Variants in CACNA1E observed in about 807,000 individuals in gnomAD.
The protein encoded by CACNA1E is calcium voltage-gated channel subunit alpha1 E, also known as voltage-dependent R-type calcium channel subunit alpha-1E.
In CACNA1E, 40 loss-of-function variants were observed where a neutral mutation model predicts 259.2. The observed-to-expected ratio is 0.15, with a 90% CI of 0.12 to 0.20. The LOEUF is 0.20. CACNA1E is among the 10% of genes least tolerant of loss of function. The probability of loss-of-function intolerance (pLI) is 1.00; values close to 1 mark genes in which losing one functional copy is unlikely to be tolerated. For synonymous variants in CACNA1E, 1,104 were observed against 1,138.5 expected, an observed-to-expected ratio of 0.97 and a Z score of 0.61; for missense variants, 1,874 against 3,040.1, an observed-to-expected ratio of 0.62 and a Z score of 9.02.
At chr1:181,694,043 A>G (rs565550939) in intron 7 of CACNA1E, among the ~76,000 whole-genome samples, 1 of 152,318 alleles carries the variant, frequency 6.6e-6, no homozygotes, top group Admixed American at 6.5e-5. Flanking sequence ...GCATAACCCC[A>G]TTACTTAAAC....
intron 1 of CACNA1E, among the ~76,000 whole-genome samples, chr1:181,405,112 C>T (rs1412974700): frequency 6.6e-6 from 1 of 152,228 alleles, no homozygotes; most frequent in Non-Finnish European, 1.5e-5. Flanking sequence ...TCTGCCAGCA[C>T]AAACAGTGCT....
intron 7 of CACNA1E, among the ~76,000 whole-genome samples, chr1:181,675,939 G>A (rs752479358): frequency 4.6e-5 from 7 of 152,160 alleles, no homozygotes; most frequent in African/African-American, 7.2e-5. Flanking sequence ...TTCCTGCTCC[G>A]TTTCTCCTCC....
intron 1 of CACNA1E, among the ~76,000 whole-genome samples, chr1:181,506,901 G>C (rs1451495851): frequency 6.6e-6 from 1 of 151,650 alleles, no homozygotes; most frequent in African/African-American, 2.4e-5. Context: ...CTTTCACCTA[G>C]CCCACAGTTA....
At chr1:181,535,310 T>C (rs1337407885) in intron 3 of CACNA1E, among the ~76,000 whole-genome samples, 1 of 152,156 alleles carries the variant, frequency 6.6e-6, no homozygotes, top group Non-Finnish European at 1.5e-5. Context: ...CATTTGTCTT[T>C]AAAATTGGCT....
At chr1:181,794,234 G>A (rs1661585485) in intron 45 of CACNA1E, among the ~76,000 whole-genome samples, 1 of 152,086 alleles carries the variant, frequency 6.6e-6, no homozygotes, top group Admixed American at 6.6e-5. Context: ...TTTCCTGTCT[G>A]TCGGTCTTAC....
chr1:181,639,564 G>T (rs550343303), intron 6 of CACNA1E, among the ~76,000 whole-genome samples: 1 of 152,270 alleles, frequency 6.6e-6, no homozygotes, highest in African/African-American at 2.4e-5. Context: ...GACAGCTTAC[G>T]TGCATTCTTG....
chr1:181,418,198 G>A (rs1339539885), intron 2 of CACNA1E, among the ~76,000 whole-genome samples: 7 of 151,978 alleles, frequency 4.6e-5, no homozygotes, highest in East Asian at 1.9e-4. Context: ...GGATTTTGCC[G>A]TGTTGCCCAG....
chr1:181,480,486 C>T (rs555167180), upstream of CACNA1E, among the ~76,000 whole-genome samples: 6 of 152,326 alleles, frequency 3.9e-5, no homozygotes, highest in South Asian at 6.2e-4. Context: ...AGTGTGTCGT[C>T]GCATTTGCAC....
At chr1:181,539,590 A>G (rs545649640) in intron 3 of CACNA1E, among the ~76,000 whole-genome samples, 7 of 152,308 alleles carry the variant, frequency 4.6e-5, no homozygotes, top group African/African-American at 1.7e-4. Context: ...TCCTTTTACC[A>G]CTACTAATGC....
intron 3 of CACNA1E, among the ~76,000 whole-genome samples, chr1:181,548,301 T>G (rs1647745205): frequency 6.6e-6 from 1 of 152,020 alleles, no homozygotes; most frequent in African/African-American, 2.4e-5. Flanking sequence ...AATTTTTGTG[T>G]TTTTAGTAGA....
intron 3 of CACNA1E, among the ~76,000 whole-genome samples, chr1:181,557,780 C>T (rs1364605100): frequency 1.3e-5 from 2 of 152,202 alleles, no homozygotes; most frequent in Non-Finnish European, 2.9e-5. Context: ...GGGGGCAGAG[C>T]TGGCTCAGCG....
At position 181,734,480 on chromosome 1, in the gene CACNA1E, G is replaced by A. The variant is rs151093683; in HGVS notation, c.3262+730G>A. On this transcript the variant is annotated intron_variant, in intron 21 of 47. Coordinates refer to ENST00000367573, the MANE Select transcript of CACNA1E (RefSeq NM_001205293.3). ...TGACCCCATACCCCATCCCTGCCCT[G>A]ACCCCACAGCTCATCCCTGCATTAT... 6.1e-3 allele frequency among the ~76,000 whole-genome samples: 865 copies of A among 142,508 alleles called. 12 individuals are homozygous for A. The highest frequency in any genetic ancestry group is 0.017 in the African/African-American group (634 of 37,578). The allele number at this position is 142,508 out of a possible 152,430, so 93.5% of individuals were successfully genotyped here.
At chr1:181,346,768 G>A (rs1185591349) in intron 1 of CACNA1E, among the ~76,000 whole-genome samples, 2 of 152,144 alleles carry the variant, frequency 1.3e-5, no homozygotes, top group East Asian at 1.9e-4. Context: ...GGCACCATGG[G>A]CAGGGACAGG....
intron 1 of CACNA1E, among the ~76,000 whole-genome samples, chr1:181,375,931 A>G (rs1050072682): frequency 6.6e-6 from 1 of 152,240 alleles, no homozygotes; most frequent in African/African-American, 2.4e-5. Context: ...CTGTTAAATT[A>G]TTTATAACTT....
At chr1:181,407,078 A>C (rs974317579) in intron 1 of CACNA1E, among the ~76,000 whole-genome samples, 1 of 151,956 alleles carries the variant, frequency 6.6e-6, no homozygotes, top group Non-Finnish European at 1.5e-5. Flanking sequence ...CTTAGTGCAC[A>C]CTCCATATTT....
chr1:181,738,514 C>T, intron 24 of CACNA1E, 88 bp downstream of exon 24: 2 of 1,035,364 alleles, frequency 1.9e-6, no homozygotes, highest in South Asian at 2.6e-5. Flanking sequence ...TCAGTGTTAC[C>T]ACCTACCAGC....
chr1:181,354,800 G>A (rs1185814632), intron 1 of CACNA1E, among the ~76,000 whole-genome samples: 1 of 152,198 alleles, frequency 6.6e-6, no homozygotes, highest in African/African-American at 2.4e-5. Context: ...TTCCACTGTG[G>A]AAAGGGGAAA....
chr1:181,782,214 T>C (rs1660489141), intron 39 of CACNA1E, among the ~76,000 whole-genome samples: 1 of 152,254 alleles, frequency 6.6e-6, no homozygotes, highest in Admixed American at 6.5e-5. Flanking sequence ...ACAAGTTGTA[T>C]TCAGCATTAA....
chr1:181,749,110 C>A (rs1657364226), intron 25 of CACNA1E, among the ~76,000 whole-genome samples: 1 of 152,150 alleles, frequency 6.6e-6, no homozygotes, highest in African/African-American at 2.4e-5. Context: ...AATATGGGAT[C>A]ATTTGTTGAG....
Sources: allele counts gnomAD v4.1 joint callset (sites outside exome capture counted in the v4.1 genomes callset), GRCh38; gene constraint gnomAD v4.1.1; transcripts MANE v1.5; gene names NCBI Gene and HGNC (gene_info 2026-07-23, HGNC 2026-07-21).